Variants in SKAP1 observed in about 807,000 individuals in gnomAD.
The protein encoded by SKAP1 is src kinase-associated phosphoprotein 1.
In SKAP1, 44 loss-of-function variants were observed where a neutral mutation model predicts 58.5. The ratio of observed to expected loss-of-function variants is 0.75; its 90% CI spans 0.59 to 0.97. The LOEUF is 0.97. Ranked by LOEUF, SKAP1 falls within the 50% of genes least tolerant of loss-of-function variation. The probability of loss-of-function intolerance (pLI) is 0.00; values close to 1 mark genes in which losing one functional copy is unlikely to be tolerated. For missense variants in SKAP1, 390 were observed against 435.2 expected (o/e 0.90, Z 0.92); for synonymous variants, 127 against 149.7 (o/e 0.85, Z 1.11).
chr17:48,284,146 G>A (rs2065801252), intron 4 of SKAP1, among the ~76,000 whole-genome samples: 1 of 152,120 alleles, frequency 6.6e-6, no homozygotes, highest in Non-Finnish European at 1.5e-5. Flanking sequence ...CTGCCAACTT[G>A]TTGACTGGCC....
chr17:48,152,558 TG>T (rs1368362549), intron 11 of SKAP1, among the ~76,000 whole-genome samples: 1 of 152,104 alleles, frequency 6.6e-6, no homozygotes. Flanking sequence ...CGGTGGGAAA[TG>T]GAGGGAATGT....
At chr17:48,375,162 G>A (rs2067136725) in intron 2 of SKAP1, among the ~76,000 whole-genome samples, 1 of 152,100 alleles carries the variant, frequency 6.6e-6, no homozygotes. Flanking sequence ...GGGTTCTTTT[G>A]GGGGATGTAA....
At chr17:48,271,197 G>A (rs2065627809) in intron 4 of SKAP1, among the ~76,000 whole-genome samples, 1 of 151,942 alleles carries the variant, frequency 6.6e-6, no homozygotes, top group Non-Finnish European at 1.5e-5. Context: ...CACTTTTTTA[G>A]GCTGGCCTAA....
At chr17:48,257,476 A>C (rs2065435961) in intron 4 of SKAP1, among the ~76,000 whole-genome samples, 1 of 152,150 alleles carries the variant, frequency 6.6e-6, no homozygotes, top group South Asian at 2.1e-4. Flanking sequence ...AGATGGTCAC[A>C]GACTTAAGAC....
upstream of SKAP1, among the ~76,000 whole-genome samples, chr17:48,434,580 G>A (rs1478544526): frequency 6.6e-6 from 1 of 152,100 alleles, no homozygotes; most frequent in Admixed American, 6.5e-5. Flanking sequence ...ATCACATCAG[G>A]AAACAATTCC....
intron 11 of SKAP1, among the ~76,000 whole-genome samples, chr17:48,150,206 T>C (rs1218656036): frequency 6.6e-6 from 1 of 152,242 alleles, no homozygotes; most frequent in East Asian, 1.9e-4. Context: ...CAAATATCTT[T>C]ATACAGCAAA....
At chr17:48,434,086 G>A (rs1332465955), upstream of SKAP1, among the ~76,000 whole-genome samples, 1 of 152,208 alleles carries the variant, frequency 6.6e-6, no homozygotes, top group African/African-American at 2.4e-5. Context: ...TGAATGCTGG[G>A]TCATGACATG....
chr17:48,193,207 A>C (rs996250710), intron 4 of SKAP1, among the ~76,000 whole-genome samples: 2 of 151,908 alleles, frequency 1.3e-5, no homozygotes, highest in African/African-American at 2.4e-5. Flanking sequence ...ATGCCTGAAT[A>C]GTTTTTTGTA....
At chr17:48,259,373 T>C (rs980525127) in intron 4 of SKAP1, among the ~76,000 whole-genome samples, 3 of 152,176 alleles carry the variant, frequency 2.0e-5, no homozygotes, top group Admixed American at 2.0e-4. Flanking sequence ...CATTTATGCA[T>C]ACCTTATTAT....
chr17:48,336,804 C>T (rs768304323), intron 4 of SKAP1, among the ~76,000 whole-genome samples: 1 of 152,108 alleles, frequency 6.6e-6, no homozygotes, highest in Non-Finnish European at 1.5e-5. Flanking sequence ...CTAGGTTCAA[C>T]TGTATTCTTG....
intron 9 of SKAP1, among the ~76,000 whole-genome samples, chr17:48,175,046 A>G (rs1260188819): frequency 6.6e-6 from 1 of 152,190 alleles, no homozygotes; most frequent in Non-Finnish European, 1.5e-5. Context: ...TCTTGGCACA[A>G]TGTCAGGGAC....
intron 2 of SKAP1, among the ~76,000 whole-genome samples, chr17:48,390,823 C>A (rs1336105795): frequency 6.6e-6 from 1 of 152,072 alleles, no homozygotes; most frequent in African/African-American, 2.4e-5. Flanking sequence ...GCCTGTAATC[C>A]CAGCACTTTG....
At chr17:48,382,679 C>T (rs1425749436) in intron 2 of SKAP1, 2 of 152,222 alleles carry the variant, frequency 1.3e-5, no homozygotes, top group East Asian at 3.8e-4. Context: ...CTATAACCCT[C>T]AGTATACCTA....
chr17:48,180,309 G>A, intron 8 of SKAP1, 61 bp from the exon 9 acceptor site: 13 of 1,293,050 alleles, frequency 1.0e-5, no homozygotes, highest in South Asian at 6.4e-5. Context: ...AGACAGGAAA[G>A]GAAAGAGGGA....
At chr17:48,280,502 A>C (rs8082009) in intron 4 of SKAP1, among the ~76,000 whole-genome samples, 50,063 of 152,024 alleles carry the variant, frequency 0.33, 8,960 homozygotes, top group African/African-American at 0.47. Context: ...CAAACAAAAA[A>C]CAACAACAAA....
At chr17:48,250,179 G>A (rs1374305504) in intron 4 of SKAP1, among the ~76,000 whole-genome samples, 1 of 147,264 alleles carries the variant, frequency 6.8e-6, no homozygotes, top group East Asian at 2.0e-4. Context: ...GTTATAAGCT[G>A]TGAGATTATA....
At chr17:48,214,419 A>G (rs1181558455) in intron 4 of SKAP1, among the ~76,000 whole-genome samples, 1 of 152,106 alleles carries the variant, frequency 6.6e-6, no homozygotes, top group Admixed American at 6.6e-5. Context: ...ACAGCTTCCT[A>G]TTAGCTTCTG....
chr17:48,285,331 C>T (rs1024267348), intron 4 of SKAP1, among the ~76,000 whole-genome samples: 4 of 152,126 alleles, frequency 2.6e-5, no homozygotes, highest in African/African-American at 9.7e-5. Context: ...AAAAAGGGAG[C>T]CCTGGCCGGG....
Position 48,411,946 on chromosome 17 carries a change from G to C in SKAP1, c.47-15161C>G, listed in dbSNP as rs113935414. ...ATCCTGGAACAGTAAAAGAACATTA[G>C]GCAAAAACTAAAGAAAACTGAATGA... On this transcript the variant is annotated intron_variant, in intron 1 of 12. Coordinates refer to ENST00000336915, the MANE Select transcript of SKAP1 (RefSeq NM_003726.4). Among the ~76,000 whole-genome samples the C allele has an allele frequency of 4.0e-3, 610 of 152,202 alleles. 8 individuals carry two copies. The highest frequency in any genetic ancestry group is 0.014 in the African/African-American group (584 of 41,502).
Sources: gnomAD v4.1 joint callset for allele counts (sites outside exome capture counted in the v4.1 genomes callset) on GRCh38, gnomAD v4.1.1 for gene constraint, MANE v1.5 for transcripts, NCBI Gene and HGNC (gene_info 2026-07-23, HGNC 2026-07-21) for gene names.